BAALC: variants seen among roughly 807,000 people sequenced by gnomAD.
BAALC encodes brain and acute leukemia cytoplasmic protein.
Under a neutral mutation model 15.5 loss-of-function variants are expected in BAALC, and 9 were observed. That is an observed-to-expected ratio of 0.58 (90% CI 0.35 to 1.02). The LOEUF (loss-of-function observed/expected upper bound fraction) is 1.02. Ranked by LOEUF, BAALC falls within the 50% of genes least tolerant of loss-of-function variation. The pLI, the probability that BAALC is intolerant of heterozygous loss-of-function variation, is 0.02. For missense variants in BAALC, 201 were observed against 192.4 expected (o/e 1.04, Z -0.27); for synonymous variants, 80 against 74.6 (o/e 1.07, Z -0.37).
At chr8:103,148,398 G>A (rs1022813599) in intron 1 of BAALC, among the ~76,000 whole-genome samples, 2 of 152,308 alleles carry the variant, frequency 1.3e-5, no homozygotes, top group South Asian at 4.1e-4. Flanking sequence ...TTTGATTTCT[G>A]TGGGTACATA....
At chr8:103,144,027 T>C (rs764213322) in intron 1 of BAALC, among the ~76,000 whole-genome samples, 48 of 152,214 alleles carry the variant, frequency 3.2e-4, no homozygotes, top group Non-Finnish European at 4.4e-4. Context: ...ATTTCTTCTG[T>C]AGCCTCCCTG....
intron 1 of BAALC, among the ~76,000 whole-genome samples, chr8:103,156,559 A>G (rs1014672465): frequency 6.6e-6 from 1 of 152,168 alleles, no homozygotes; most frequent in Admixed American, 6.5e-5. Flanking sequence ...TGCAGCTACC[A>G]TGGCCTGAGT....
intron 1 of BAALC, among the ~76,000 whole-genome samples, chr8:103,142,964 C>T (rs147893082): frequency 5.8e-4 from 88 of 152,328 alleles, no homozygotes; most frequent in African/African-American, 2.0e-3. Flanking sequence ...AGAAGCTCCA[C>T]TTCAGCCCCA....
chr8:103,218,151 T>G (rs1812602473), intron 2 of BAALC, among the ~76,000 whole-genome samples: 1 of 152,210 alleles, frequency 6.6e-6, no homozygotes, highest in Non-Finnish European at 1.5e-5. Flanking sequence ...GGAGCCCTTC[T>G]CCACTTCATG....
At chr8:103,224,115 C>CTGTG (rs4002031) in intron 2 of BAALC, among the ~76,000 whole-genome samples, 75 of 150,936 alleles carry the variant, frequency 5.0e-4, no homozygotes, top group Middle Eastern at 3.4e-3. Context: ...CTGCGTGCGT[C>CTGTG]TGTGTGTGTG....
intron 1 of BAALC, among the ~76,000 whole-genome samples, chr8:103,197,178 C>A (rs1812115411): frequency 6.6e-6 from 1 of 152,158 alleles, no homozygotes; most frequent in South Asian, 2.1e-4. Flanking sequence ...AAATATGATT[C>A]ATTGTAGATT....
At chr8:103,173,053 C>T (rs1035338816) in intron 1 of BAALC, among the ~76,000 whole-genome samples, 1 of 152,186 alleles carries the variant, frequency 6.6e-6, no homozygotes. Flanking sequence ...GATACATTTG[C>T]TTATTTTCCA....
At chr8:103,163,477 C>CA (rs1479858264) in intron 1 of BAALC, among the ~76,000 whole-genome samples, 2 of 152,176 alleles carry the variant, frequency 1.3e-5, no homozygotes, top group Non-Finnish European at 2.9e-5. Context: ...CACACCTGCC[C>CA]ACCCTATGGT....
rs1340914652 is a variant in BAALC, at chr8:103,230,190, T to C, written c.*2091T>C. ...AGAAGTTAAACCATGTGACTAAAAATGCATCTGGCTACTTTTTCATGTATG... is the reference window on the plus strand; with the variant it reads ...AGAAGTTAAACCATGTGACTAAAAACGCATCTGGCTACTTTTTCATGTATG... On this transcript the variant is annotated 3_prime_UTR_variant, in exon 3 of 3. Coordinates refer to ENST00000309982, the MANE Select transcript of BAALC (RefSeq NM_024812.3). The C allele has an allele frequency of 3.4e-5, 5 of 146,074 alleles. No homozygotes were observed. The highest frequency in any genetic ancestry group is 1.3e-4 in the African/African-American group (5 of 39,414). The allele number at this position is 146,074 out of a possible 1,614,324, so 9.0% of individuals were successfully genotyped here. A position where few individuals can be genotyped will look rare whatever the true frequency, so the allele number is the denominator to read the frequency against.
chr8:103,205,538 T>TGATAGATA lies in BAALC; in HGVS notation c.161-7369_161-7362dup, dbSNP rs559280836. Among the ~76,000 whole-genome samples, 493 of 152,082 alleles carry TGATAGATA rather than the reference T, an allele frequency of 3.2e-3. 5 individuals are homozygous for TGATAGATA. The highest frequency in any genetic ancestry group is 0.011 in the African/African-American group (465 of 41,470). On this transcript the variant is annotated intron_variant, in intron 1 of 2. Coordinates refer to ENST00000309982, the MANE Select transcript of BAALC (RefSeq NM_024812.3). ...TTGATCTCTATGTCAGATAGATAGA[T>TGATAGATA]GATAGATAGATAGATAGATCTATAT... is the stretch of plus-strand genomic sequence containing the variant.
chr8:103,217,114 G>A (rs1812575689), intron 2 of BAALC, among the ~76,000 whole-genome samples: 1 of 152,224 alleles, frequency 6.6e-6, no homozygotes, highest in Non-Finnish European at 1.5e-5. Flanking sequence ...GCATATCAAT[G>A]AGCAGCCTGT....
At chr8:103,213,460 G>A (rs1812497298) in intron 2 of BAALC, 1 of 165,600 alleles carries the variant, frequency 6.0e-6, no homozygotes, top group Non-Finnish European at 1.3e-5. Flanking sequence ...GGAAAGAGAA[G>A]ACCAGAGTGG....
rs375483335 is a variant in BAALC at position 103,165,077 on chromosome 8, G to A, written c.160+24020G>A. ...TGGGGCATGGCTCCATGGACATCCA[G>A]CTGTGTGGTTGCATAGCTGCATAAT... On this transcript the variant is annotated intron_variant, in intron 1 of 2. Coordinates refer to ENST00000309982, the MANE Select transcript of BAALC (RefSeq NM_024812.3). Among the ~76,000 whole-genome samples the A allele has an allele frequency of 2.0e-3, 300 of 152,330 alleles. 2 individuals carry two copies. The highest frequency in any genetic ancestry group is 3.3e-3 in the Non-Finnish European group (227 of 68,006).
intron 1 of BAALC, 142 bp downstream of exon 1, chr8:103,141,199 A>G (rs2129839591): frequency 2.1e-6 from 2 of 972,556 alleles, no homozygotes; most frequent in Non-Finnish European, 2.8e-6. Flanking sequence ...GGACCTGCCC[A>G]CTGATCAGTG....
At chr8:103,168,694 C>T (rs10481102) in intron 1 of BAALC, among the ~76,000 whole-genome samples, 13,758 of 152,010 alleles carry the variant, frequency 0.091, 832 homozygotes, top group Non-Finnish European at 0.14. Flanking sequence ...TGGCTGCATA[C>T]CTCTTGGCCT....
intron 1 of BAALC, among the ~76,000 whole-genome samples, chr8:103,163,661 G>T (rs1396202045): frequency 1.3e-5 from 2 of 152,090 alleles, no homozygotes; most frequent in Non-Finnish European, 2.9e-5. Flanking sequence ...AGGCCCAACT[G>T]CTGCCCTAGT....
intron 1 of BAALC, among the ~76,000 whole-genome samples, chr8:103,179,339 C>T (rs1283152507): frequency 1.3e-5 from 2 of 152,100 alleles, no homozygotes; most frequent in African/African-American, 4.8e-5. Flanking sequence ...GGGTAGGAGC[C>T]CCAGAACACC....
At chr8:103,168,226 T>G (rs1563641017) in intron 1 of BAALC, among the ~76,000 whole-genome samples, 1 of 152,196 alleles carries the variant, frequency 6.6e-6, no homozygotes, top group Non-Finnish European at 1.5e-5. Context: ...GTCAACTATT[T>G]AAGCTCGTTC....
At chr8:103,163,544 G>C (rs369261766) in intron 1 of BAALC, among the ~76,000 whole-genome samples, 224 of 152,200 alleles carry the variant, frequency 1.5e-3, no homozygotes, top group African/African-American at 5.3e-3. Flanking sequence ...AAGACTTTGG[G>C]GTTATTTTTG....
Sources: allele counts gnomAD v4.1 joint callset (sites outside exome capture counted in the v4.1 genomes callset), GRCh38; gene constraint gnomAD v4.1.1; transcripts MANE v1.5; gene names NCBI Gene and HGNC (gene_info 2026-07-23, HGNC 2026-07-21).